The following ITPK1 variants were observed in gnomAD, a reference collection of about 807,000 sequenced individuals.
The protein encoded by ITPK1 is inositol 1,3,4-trisphosphate 5/6-kinase.
A neutral mutation model predicts 45.3 loss-of-function variants in ITPK1; 21 were observed. That is an observed-to-expected ratio of 0.46 (90% CI 0.33 to 0.67). The LOEUF (loss-of-function observed/expected upper bound fraction) is 0.67. Among genes scored for constraint, ITPK1 ranks in the 30% least tolerant of loss-of-function variants. The pLI is 0.02. For synonymous variants in ITPK1, 258 were observed against 253.6 expected (o/e 1.02, Z -0.16); for missense variants, 474 against 573.5 (o/e 0.83, Z 1.77).
rs1309636252 is a variant in ITPK1, at chr14:93,105,721, G to A, written c.95+9348C>T. 2.2e-4 allele frequency among the ~76,000 whole-genome samples: 14 copies of A among 64,866 alleles called. No homozygotes were observed. In the Admixed American group the frequency reaches 2.4e-3, roughly 11 times the overall value. 42.6% of individuals were successfully genotyped at this position (64,866 alleles called of 152,430 possible). A position where few individuals can be genotyped will look rare whatever the true frequency, so the allele number is the denominator to read the frequency against. ...TGTGGGGTTTTTTTTTTTTTTTTTT[G>A]AGACAGAGTTTCACTCATGTCACCC... On this transcript the variant is annotated intron_variant, in intron 2 of 10. Coordinates refer to ENST00000267615, the MANE Select transcript of ITPK1 (RefSeq NM_014216.6).
intron 3 of ITPK1, chr14:93,068,525 C>T (rs1049843345): frequency 6.6e-6 from 1 of 152,350 alleles, no homozygotes. Context: ...ATTCCCAAAG[C>T]CCTTTACGCT....
rs1887336740 is a variant in ITPK1 at position 92,940,855 on chromosome 14, G to A, written c.*706C>T. 7.8e-7 allele frequency: 1 copy of A among 1,288,584 alleles called. No homozygotes were observed. Among genetic ancestry groups the A allele is most frequent in the Admixed American group, 2.3e-5 (1 of 43,492 alleles). 79.8% of individuals were successfully genotyped at this position (1,288,584 alleles called of 1,614,324 possible). A position where few individuals can be genotyped will look rare whatever the true frequency, so the allele number is the denominator to read the frequency against. On this transcript the variant is annotated 3_prime_UTR_variant, in exon 11 of 11. Transcript: ENST00000267615. ...AGGGAGCAGCAGTGCTGGCTTAGGG[G>A]AAGGAGACCGCTGTGCAGGGCTAAA...
At chr14:93,020,302 T>C (rs1395122400) in intron 3 of ITPK1, among the ~76,000 whole-genome samples, 2 of 152,108 alleles carry the variant, frequency 1.3e-5, no homozygotes, top group African/African-American at 4.8e-5. Context: ...CCTGACACTA[T>C]CCCTGTCTCT....
chr14:93,067,278 C>T (rs917922268), intron 3 of ITPK1, among the ~76,000 whole-genome samples: 2 of 152,216 alleles, frequency 1.3e-5, no homozygotes, highest in African/African-American at 4.8e-5. Flanking sequence ...CAGGGAGATC[C>T]AGTCCCAACC....
Position 92,985,023 on chromosome 14 carries a change from G to A in ITPK1, c.364+8857C>T, listed in dbSNP as rs577213408. On this transcript the variant is annotated intron_variant, in intron 5 of 10. Coordinates refer to ENST00000267615, the MANE Select transcript of ITPK1 (RefSeq NM_014216.6). ...TGCTGCTGAGCAGACAGAAGACATCGTTGTCCTCATGCACCTCCTGATATG... is the reference window on the plus strand; with the variant it reads ...TGCTGCTGAGCAGACAGAAGACATCATTGTCCTCATGCACCTCCTGATATG... Among the ~76,000 whole-genome samples the A allele has an allele frequency of 3.5e-4, 54 of 152,298 alleles. No individual in the cohort carries two copies. The South Asian group carries it at 0.011, about 30-fold the overall frequency.
At chr14:93,102,643 A>G (rs9671852) in intron 2 of ITPK1, among the ~76,000 whole-genome samples, 19,166 of 152,030 alleles carry the variant, frequency 0.13, 2,962 homozygotes, top group African/African-American at 0.37. Context: ...ATGACAGAGC[A>G]AGACTAACAA....
chr14:93,042,807 C>A (rs1456357642), intron 3 of ITPK1, among the ~76,000 whole-genome samples: 1 of 152,160 alleles, frequency 6.6e-6, no homozygotes. Context: ...CACTTGAGGT[C>A]AGGAGTTCAA....
At chr14:92,976,017 G>A (rs961248866) in intron 5 of ITPK1, among the ~76,000 whole-genome samples, 1 of 152,172 alleles carries the variant, frequency 6.6e-6, no homozygotes, top group African/African-American at 2.4e-5. Flanking sequence ...GTGAAGAAGG[G>A]CATGTTTGCT....
Position 92,940,381 on chromosome 14 carries a change from T to C in ITPK1, c.*1180A>G. The C allele has an allele frequency of 2.0e-6, 2 of 1,011,194 alleles. No individual in the cohort carries two copies. The highest frequency in any genetic ancestry group is 1.2e-6 in the Non-Finnish European group (1 of 845,196). The allele number at this position is 1,011,194 out of a possible 1,614,324, so 62.6% of individuals were successfully genotyped here. A position where few individuals can be genotyped will look rare whatever the true frequency, so the allele number is the denominator to read the frequency against. On this transcript the variant is annotated 3_prime_UTR_variant, in exon 11 of 11. Transcript: ENST00000267615. ...CAGAGGGGGCTGCCTGGATCAGGGG[T>C]CAGACGGCAGAGCCAGTGCTTTGCT...
chr14:93,047,992 C>G, intron 3 of ITPK1, among the ~76,000 whole-genome samples: 1 of 152,238 alleles, frequency 6.6e-6, no homozygotes, highest in South Asian at 2.1e-4. Context: ...CCTGCCAGAC[C>G]TATCTCTGGA....
intron 2 of ITPK1, among the ~76,000 whole-genome samples, chr14:93,103,079 G>A (rs36060057): frequency 0.15 from 16,791 of 113,160 alleles, 1,441 homozygotes; most frequent in Middle Eastern, 0.26. Flanking sequence ...CAGCCTGGGC[G>A]ACAAAGCAAG....
intron 2 of ITPK1, among the ~76,000 whole-genome samples, chr14:93,109,426 C>T (rs1676901189): frequency 6.6e-6 from 1 of 152,184 alleles, no homozygotes; most frequent in Non-Finnish European, 1.5e-5. Context: ...TCATTGTATA[C>T]TTTGAGTCCT....
intron 2 of ITPK1, among the ~76,000 whole-genome samples, chr14:93,077,384 C>G (rs1355045772): frequency 6.6e-6 from 1 of 152,168 alleles, no homozygotes; most frequent in Non-Finnish European, 1.5e-5. Flanking sequence ...ATGTTACGAT[C>G]TCAGCTCACT....
At chr14:92,953,105 T>G (rs1263000156) in intron 8 of ITPK1, among the ~76,000 whole-genome samples, 1 of 152,256 alleles carries the variant, frequency 6.6e-6, no homozygotes, top group Admixed American at 6.5e-5. Context: ...TGAGGGCCGC[T>G]GCGTGCTGGG....
intron 5 of ITPK1, among the ~76,000 whole-genome samples, chr14:92,971,518 G>A (rs556303036): frequency 9.2e-5 from 14 of 152,298 alleles, no homozygotes; most frequent in Middle Eastern, 3.4e-3. Flanking sequence ...TACTATTGTC[G>A]TCATCACCTG....
At chr14:93,078,359 C>T (rs567821478) in intron 2 of ITPK1, among the ~76,000 whole-genome samples, 2 of 152,280 alleles carry the variant, frequency 1.3e-5, no homozygotes, top group Admixed American at 6.5e-5. Flanking sequence ...AGGCACTGAG[C>T]GGAACCTCAC....
intron 3 of ITPK1, among the ~76,000 whole-genome samples, chr14:93,052,019 G>A (rs945487758): frequency 1.3e-5 from 2 of 152,194 alleles, no homozygotes; most frequent in Non-Finnish European, 2.9e-5. Flanking sequence ...CTTGCACCAG[G>A]GGAGCGCCTT....
At chr14:92,950,017 G>A (rs1430703357) in intron 9 of ITPK1, among the ~76,000 whole-genome samples, 1 of 152,222 alleles carries the variant, frequency 6.6e-6, no homozygotes, top group African/African-American at 2.4e-5. Context: ...CCTGGACTCC[G>A]GAATCCTTCT....
chr14:92,966,109 A>C (rs542137036), intron 5 of ITPK1, among the ~76,000 whole-genome samples: 15 of 152,362 alleles, frequency 9.8e-5, no homozygotes, highest in African/African-American at 2.9e-4. Context: ...TCAAACTCCC[A>C]GGCTCAAGGG....
Sources: gnomAD v4.1 joint callset for allele counts (sites outside exome capture counted in the v4.1 genomes callset) on GRCh38, gnomAD v4.1.1 for gene constraint, MANE v1.5 for transcripts, NCBI Gene and HGNC (gene_info 2026-07-23, HGNC 2026-07-21) for gene names.